Variants in COL5A2 observed in about 807,000 individuals in gnomAD.
The protein encoded by COL5A2 is collagen type V alpha 2 chain.
COL5A2 carries 23 observed loss-of-function variants against 208.2 expected under a neutral mutation model. The observed-to-expected ratio is 0.11, with a 90% CI of 0.08 to 0.16. The LOEUF (loss-of-function observed/expected upper bound fraction) is 0.16. Ranked by LOEUF, COL5A2 falls within the 10% of genes least tolerant of loss-of-function variation. The pLI is 1.00. For missense variants in COL5A2, 1,590 were observed against 1,956.4 expected, an observed-to-expected ratio of 0.81 and a Z score of 3.53; for synonymous variants, 625 against 628.5, an observed-to-expected ratio of 0.99 and a Z score of 0.08.
chr2:189,052,311 A>G, intron 40 of COL5A2, 86 bp from the exon 41 acceptor site: 2 of 1,238,716 alleles, frequency 1.6e-6, no homozygotes, highest in South Asian at 2.5e-5. Flanking sequence ...TCACAGGAAG[A>G]CTGAAGCCTT....
intron 1 of COL5A2, among the ~76,000 whole-genome samples, chr2:189,168,361 T>C (rs1688511605): frequency 6.6e-6 from 1 of 152,054 alleles, no homozygotes; most frequent in Non-Finnish European, 1.5e-5. Context: ...TTTATGTTTG[T>C]AGCCAAAGAT....
intron 18 of COL5A2, 108 bp from the exon 19 acceptor site, chr2:189,068,992 G>A: frequency 1.3e-6 from 1 of 784,552 alleles, no homozygotes; most frequent in East Asian, 2.7e-5. Context: ...AATACTGAAA[G>A]AGGCCAAAGA....
At chr2:189,416,989 AATTT>A in the COL5A2 span, among the ~76,000 whole-genome samples, 1 of 152,026 alleles carries the variant, frequency 6.6e-6, no homozygotes, top group Non-Finnish European at 1.5e-5. Context: ...TTCACTTATT[AATTT>A]GTTTATGGTG....
upstream of COL5A2, among the ~76,000 whole-genome samples, chr2:189,228,474 C>A (rs190897794): frequency 8.8e-4 from 133 of 151,872 alleles, no homozygotes; most frequent in Non-Finnish European, 1.5e-3. Context: ...GGAGACATTA[C>A]AATTGATGCC....
At chr2:189,073,924 A>G (rs1014532158) in intron 17 of COL5A2, among the ~76,000 whole-genome samples, 1 of 152,172 alleles carries the variant, frequency 6.6e-6, no homozygotes, top group Non-Finnish European at 1.5e-5. Flanking sequence ...TACAATTAAA[A>G]TCTACTTCAG....
At chr2:189,237,433 T>C in the COL5A2 span, among the ~76,000 whole-genome samples, 3 of 150,550 alleles carry the variant, frequency 2.0e-5, no homozygotes, top group East Asian at 5.8e-4. Flanking sequence ...CTCAAGCAAA[T>C]GAATATAGTA....
At chr2:189,380,047 T>C in the COL5A2 span, among the ~76,000 whole-genome samples, 1 of 151,898 alleles carries the variant, frequency 6.6e-6, no homozygotes, top group Non-Finnish European at 1.5e-5. Flanking sequence ...TATATATATA[T>C]ATATATCTCA....
chr2:189,046,030 CTTA>C, intron 45 of COL5A2, 123 bp from the exon 46 acceptor site: 1 of 634,622 alleles, frequency 1.6e-6, no homozygotes, highest in Non-Finnish European at 2.6e-6. Flanking sequence ...CTTATTTTTA[CTTA>C]TTATTTTAAC....
the COL5A2 span, among the ~76,000 whole-genome samples, chr2:189,349,360 T>C: frequency 6.6e-6 from 1 of 152,138 alleles, no homozygotes. Context: ...CTAAAAGTCA[T>C]GTTTAACTTT....
At chr2:189,237,063 T>A in the COL5A2 span, among the ~76,000 whole-genome samples, 1 of 151,800 alleles carries the variant, frequency 6.6e-6, no homozygotes, top group Non-Finnish European at 1.5e-5. Flanking sequence ...TGAAGCCCGA[T>A]AATGCCAGGA....
At chr2:189,035,588 A>C (rs2153506046) in intron 52 of COL5A2, among the ~76,000 whole-genome samples, 1 of 152,250 alleles carries the variant, frequency 6.6e-6, no homozygotes, top group Non-Finnish European at 1.5e-5. Flanking sequence ...ATAATCAAAA[A>C]AATTTTTCTA....
chr2:189,288,452 A>G, the COL5A2 span, among the ~76,000 whole-genome samples: 26 of 152,330 alleles, frequency 1.7e-4, no homozygotes, highest in East Asian at 4.8e-3. Flanking sequence ...ATAATCATAC[A>G]TCAACAAACT....
intron 1 of COL5A2, among the ~76,000 whole-genome samples, chr2:189,133,406 C>T (rs979264236): frequency 6.6e-6 from 1 of 151,998 alleles, no homozygotes; most frequent in African/African-American, 2.4e-5. Context: ...CAAGCGTGAG[C>T]CACCACACCC....
chr2:189,221,969 A>T (rs1689351827), intron 1 of COL5A2, among the ~76,000 whole-genome samples: 1 of 152,154 alleles, frequency 6.6e-6, no homozygotes, highest in South Asian at 2.1e-4. Flanking sequence ...ATGAATGTGT[A>T]CATAAGACAG....
chr2:189,037,899 A>G (rs1156404632), intron 51 of COL5A2, among the ~76,000 whole-genome samples: 1 of 152,178 alleles, frequency 6.6e-6, no homozygotes, highest in East Asian at 1.9e-4. Flanking sequence ...TTAAGCAAGC[A>G]TTTTCCACAT....
At chr2:189,111,921 A>G (rs2105715981) in intron 1 of COL5A2, among the ~76,000 whole-genome samples, 1 of 151,368 alleles carries the variant, frequency 6.6e-6, no homozygotes, top group East Asian at 1.9e-4. Flanking sequence ...GCAGGAGTCC[A>G]ATGGTGCGAT....
rs1340460946 is a variant in COL5A2 at position 189,033,786 on chromosome 2, TTCAA to T, written c.*280_*283del. 3.1e-5 allele frequency: 14 copies of T among 445,002 alleles called. No individual in the cohort carries two copies. Among genetic ancestry groups the T allele is most frequent in the Non-Finnish European group, 5.3e-5 (13 of 243,958 alleles). The allele number at this position is 445,002 out of a possible 1,614,324, so 27.6% of individuals were successfully genotyped here. A position where few individuals can be genotyped will look rare whatever the true frequency, so the allele number is the denominator to read the frequency against. On this transcript the variant is annotated 3_prime_UTR_variant, in exon 54 of 54. Coordinates refer to ENST00000374866, the MANE Select transcript of COL5A2 (RefSeq NM_000393.5). ...ATTGAAGAAAACGGAGATTTATTTA[TTCAA>T]TCAGTTTACTTTCTGCAAAGGTGGT...
chr2:189,249,454 A>G, the COL5A2 span, among the ~76,000 whole-genome samples: 1 of 152,212 alleles, frequency 6.6e-6, no homozygotes, highest in Non-Finnish European at 1.5e-5. Flanking sequence ...TCTTTATTCA[A>G]AAATAATTTA....
intron 37 of COL5A2, 88 bp from the exon 38 acceptor site, chr2:189,053,565 T>A (rs1174365253): frequency 1.7e-6 from 2 of 1,174,080 alleles, no homozygotes; most frequent in East Asian, 2.4e-5. Context: ...AATCTGATAG[T>A]TAGACATGTA....
Sources: allele counts gnomAD v4.1 joint callset (sites outside exome capture counted in the v4.1 genomes callset), GRCh38; gene constraint gnomAD v4.1.1; transcripts MANE v1.5; gene names NCBI Gene and HGNC (gene_info 2026-07-23, HGNC 2026-07-21).